The following DNAI1 variants were observed in gnomAD, a reference collection of about 807,000 sequenced individuals.
DNAI1 encodes the protein dynein axonemal intermediate chain 1.
DNAI1 carries 67 observed loss-of-function variants against 92.0 expected under a neutral mutation model. The observed-to-expected ratio is 0.73, with a 90% confidence interval of 0.60 to 0.89. The LOEUF (loss-of-function observed/expected upper bound fraction) is 0.89. DNAI1 is among the 40% of genes least tolerant of loss of function. The pLI, the probability that DNAI1 is intolerant of heterozygous loss-of-function variation, is 0.00. For missense variants in DNAI1, 839 were observed against 866.6 expected, an observed-to-expected ratio of 0.97 and a Z score of 0.40; for synonymous variants, 323 against 319.6, an observed-to-expected ratio of 1.01 and a Z score of -0.11.
chr9:34,469,627 G>T (rs572585111), intron 1 of DNAI1, among the ~76,000 whole-genome samples: 1 of 152,160 alleles, frequency 6.6e-6, no homozygotes, highest in East Asian at 1.9e-4. Flanking sequence ...GACCAGGCTG[G>T]AGTGTAATGG....
intron 1 of DNAI1, among the ~76,000 whole-genome samples, chr9:34,463,612 A>T (rs936943742): frequency 5.3e-5 from 8 of 152,230 alleles, no homozygotes; most frequent in African/African-American, 1.4e-4. Context: ...TCCAGTTAAA[A>T]GCTAATTTTA....
At chr9:34,488,084 A>G (rs1459427650) in intron 4 of DNAI1, 2 of 401,216 alleles carry the variant, frequency 5.0e-6, no homozygotes, top group South Asian at 3.7e-5. Context: ...GAAAATAGTT[A>G]CTATTTTATT....
rs1175634371 is a variant in DNAI1 at position 34,512,165 on chromosome 9, T to C, written c.1368T>C (p.Ser456=). The change falls in exon 14 of 20, where the codon TCT becomes TCC. Residue 456 remains serine, a synonymous_variant. Transcript: ENST00000242317. The stretch of plus-strand genomic sequence containing the variant: ...ACCTTAACTTCTTCTCTGTGTCATC[T>C]GACGGCAGGATTGTGTCTTGGACTC... ...DQNLNFFSVS[S]DGRIVSWTLV... is the part of the protein sequence containing the mutation. 42 of 1,614,134 alleles carry C rather than the reference T, an allele frequency of 2.6e-5. No homozygotes were observed. The highest frequency in any genetic ancestry group is 3.5e-5 in the Non-Finnish European group (41 of 1,180,054).
At chr9:34,512,485 C>A in intron 15 of DNAI1, 61 bp downstream of exon 15, 1 of 1,495,190 alleles carries the variant, frequency 6.7e-7, no homozygotes, top group South Asian at 1.2e-5. Flanking sequence ...CAGTGAGGGT[C>A]AGTGACAGTG....
At chr9:34,477,147 C>G (rs1464236416) in intron 1 of DNAI1, among the ~76,000 whole-genome samples, 1 of 152,024 alleles carries the variant, frequency 6.6e-6, no homozygotes, top group Non-Finnish European at 1.5e-5. Context: ...TCCCAAGTAG[C>G]TGGGACTACA....
At position 34,520,663 on chromosome 9, in the gene DNAI1, G is replaced by A. The variant is rs1825263472; in HGVS notation, c.2007G>A (p.Lys669=). The part of the protein sequence containing the change: ...SPNLRKMPKE[K]KGQEVQKGPA... ...TATACTTTCCCTCTCCCCAGGAAAA[G>A]AAGGGGCAGGAGGTGCAGAAGGGTC... Residue 669 remains lysine, a synonymous_variant, in exon 20 of 20, where the codon AAG becomes AAA. Transcript: ENST00000242317. 1 of 1,551,616 alleles carries A rather than the reference G, an allele frequency of 6.4e-7. No homozygotes were observed. The highest frequency in any genetic ancestry group is 8.7e-7 in the Non-Finnish European group (1 of 1,146,968).
intron 1 of DNAI1, among the ~76,000 whole-genome samples, chr9:34,465,737 A>T (rs952176392): frequency 6.6e-5 from 10 of 152,240 alleles, no homozygotes; most frequent in African/African-American, 2.4e-4. Context: ...CTGCAAGTTG[A>T]TGCTGAGGAG....
intron 1 of DNAI1, among the ~76,000 whole-genome samples, chr9:34,469,292 G>T (rs1824096730): frequency 7.8e-6 from 1 of 128,606 alleles, no homozygotes. Flanking sequence ...TTGAGACAAG[G>T]TCCCACTCTG....
intron 1 of DNAI1, among the ~76,000 whole-genome samples, chr9:34,472,824 C>A (rs946705926): frequency 1.3e-5 from 2 of 151,910 alleles, no homozygotes; most frequent in Non-Finnish European, 2.9e-5. Context: ...ATCCCTTGAG[C>A]CCAGGAGGTC....
At chr9:34,512,234 T>C (rs143797979) in intron 14 of DNAI1, 36 bp downstream of exon 14, 193 of 1,612,258 alleles carry the variant, frequency 1.2e-4, no homozygotes, top group African/African-American at 1.0e-3. Flanking sequence ...ACTGGGGTGA[T>C]TGGGGAGGCA....
intron 1 of DNAI1, among the ~76,000 whole-genome samples, chr9:34,461,256 G>A (rs976070850): frequency 2.0e-5 from 3 of 152,256 alleles, no homozygotes; most frequent in South Asian, 2.1e-4. Context: ...GGATTACAGG[G>A]GTGAGCCCCC....
chr9:34,489,522 A>G, intron 5 of DNAI1, 73 bp downstream of exon 5: 1 of 1,571,764 alleles, frequency 6.4e-7, no homozygotes. Flanking sequence ...TAGGGAGTAT[A>G]CCTCTAAGCC....
chr9:34,469,260 C>CTTTTTT (rs35082433), intron 1 of DNAI1, among the ~76,000 whole-genome samples: 1 of 80,192 alleles, frequency 1.2e-5, no homozygotes, highest in Non-Finnish European at 2.4e-5. Context: ...AATGGAATGG[C>CTTTTTT]TTTTTTTTTT....
intron 1 of DNAI1, among the ~76,000 whole-genome samples, chr9:34,477,365 T>C (rs998685018): frequency 3.3e-5 from 5 of 152,190 alleles, no homozygotes; most frequent in African/African-American, 1.2e-4. Flanking sequence ...TTGCTTGATG[T>C]CTCTATACCT....
At chr9:34,480,342 A>G (rs547060327) in intron 1 of DNAI1, among the ~76,000 whole-genome samples, 2 of 132,942 alleles carry the variant, frequency 1.5e-5, no homozygotes, top group African/African-American at 5.9e-5. Context: ...CCAGTGTGCG[A>G]TCTTGGCTCA....
chr9:34,461,722 G>A (rs563702676), intron 1 of DNAI1, among the ~76,000 whole-genome samples: 8 of 152,302 alleles, frequency 5.3e-5, no homozygotes, highest in African/African-American at 1.9e-4. Flanking sequence ...AAATATTGGC[G>A]TGTGGGGTGT....
At chr9:34,481,158 G>T (rs561605008) in intron 1 of DNAI1, among the ~76,000 whole-genome samples, 2 of 152,136 alleles carry the variant, frequency 1.3e-5, no homozygotes, top group Admixed American at 1.3e-4. Context: ...CAGGAGAATC[G>T]CTTGAAACCA....
Position 34,506,722 on chromosome 9 carries a change from AT to A in DNAI1, c.1160del (p.Met387SerfsTer15). ...CATGTTCAGCAGCAACAGCGGCGTC[AT>A]GTGTCTCGACATCCACGTGGACCAC... ...EYMFSSNSGV[M>X]CLDIHVDHPY... On this transcript the variant is annotated frameshift_variant, in exon 13 of 20. Transcript: ENST00000242317. LOFTEE classifies it high-confidence loss of function. 6.2e-7 allele frequency: 1 copy of A among 1,614,178 alleles called. No individual in the cohort carries two copies.
intron 1 of DNAI1, among the ~76,000 whole-genome samples, chr9:34,475,998 T>G (rs1445510856): frequency 2.0e-5 from 3 of 152,166 alleles, no homozygotes; most frequent in African/African-American, 7.2e-5. Context: ...TAATAATAAT[T>G]ATCTCTTACA....
Sources: allele counts gnomAD v4.1 joint callset (sites outside exome capture counted in the v4.1 genomes callset), GRCh38; gene constraint gnomAD v4.1.1; transcripts MANE v1.5; gene names NCBI Gene and HGNC (gene_info 2026-07-23, HGNC 2026-07-21).